The following HLTF variants were observed in gnomAD, a reference collection of about 807,000 sequenced individuals.
HLTF encodes the protein DNA-dependent ATPase/E3 ubiquitin-protein ligase HLTF.
HLTF carries 127 observed loss-of-function variants against 129.4 expected under a neutral mutation model. That is an observed-to-expected ratio of 0.98 (90% CI 0.85 to 1.14). The LOEUF (loss-of-function observed/expected upper bound fraction) is 1.14. Among genes scored for constraint, HLTF ranks in the 50% most tolerant of loss-of-function variants. The pLI is 0.00. For synonymous variants in HLTF, 332 were observed against 388.8 expected (o/e 0.85, Z 1.72); for missense variants, 1,139 against 1,187.1 (o/e 0.96, Z 0.60).
intron 23 of HLTF, among the ~76,000 whole-genome samples, chr3:149,036,450 C>T (rs1002166644): frequency 2.0e-5 from 3 of 151,536 alleles, no homozygotes; most frequent in Admixed American, 6.6e-5. Context: ...CACCATGCCC[C>T]GCTAATTTTT....
chr3:149,052,700 G>A (rs1717095250), intron 14 of HLTF, among the ~76,000 whole-genome samples: 1 of 152,102 alleles, frequency 6.6e-6, no homozygotes, highest in Admixed American at 6.6e-5. Flanking sequence ...ACATGAAAAA[G>A]TAAAGCTGAA....
chr3:149,045,234 C>T (rs567767139), intron 18 of HLTF, among the ~76,000 whole-genome samples: 12 of 152,212 alleles, frequency 7.9e-5, no homozygotes, highest in Non-Finnish European at 2.9e-5. Flanking sequence ...CTGAAACACC[C>T]CTTAATCCCA....
At chr3:149,056,699 G>A (rs1281569645) in intron 13 of HLTF, among the ~76,000 whole-genome samples, 2 of 152,098 alleles carry the variant, frequency 1.3e-5, no homozygotes, top group South Asian at 2.1e-4. Context: ...TAAGAGATTC[G>A]TAACAACAAA....
Position 149,086,347 on chromosome 3 carries a change from G to T in HLTF, c.-11C>A. On this transcript the variant is annotated 5_prime_UTR_variant, in exon 1 of 25. Transcript: ENST00000310053. ...GAACATCCAGGACATGGCGCTGAGT[G>T]GGATGACAAGAGGAGCGCCTCGGCT... 6.3e-7 allele frequency: 1 copy of T among 1,590,756 alleles called. No individual in the cohort carries two copies. The highest frequency in any genetic ancestry group is 2.3e-5 in the East Asian group (1 of 43,764).
chr3:149,074,529 A>G (rs1719169812), intron 3 of HLTF, among the ~76,000 whole-genome samples, 181 bp from the exon 4 acceptor site: 1 of 152,208 alleles, frequency 6.6e-6, no homozygotes, highest in Admixed American at 6.5e-5. Flanking sequence ...AACAATCAGA[A>G]GGGTGATTTT....
intron 8 of HLTF, among the ~76,000 whole-genome samples, chr3:149,067,595 T>A (rs1157909395): frequency 6.6e-6 from 1 of 152,012 alleles, no homozygotes; most frequent in Non-Finnish European, 1.5e-5. Flanking sequence ...CTCAAACTCC[T>A]GGGCTCCAGC....
chr3:149,044,464 C>T (rs761660272), intron 18 of HLTF, among the ~76,000 whole-genome samples: 8 of 152,108 alleles, frequency 5.3e-5, no homozygotes, highest in Non-Finnish European at 1.0e-4. Flanking sequence ...AAGCTTCCTT[C>T]CTCCTATTTC....
intron 7 of HLTF, among the ~76,000 whole-genome samples, chr3:149,070,114 T>C (rs775417390): frequency 2.0e-5 from 3 of 152,252 alleles, no homozygotes; most frequent in African/African-American, 7.2e-5. Flanking sequence ...AGCTCACTGA[T>C]ATGATTTAGC....
chr3:149,077,950 GAATT>G (rs1719526250), intron 2 of HLTF, among the ~76,000 whole-genome samples: 2 of 152,008 alleles, frequency 1.3e-5, no homozygotes, highest in South Asian at 2.1e-4. Flanking sequence ...AGACATCACA[GAATT>G]AATTCAGGAA....
intron 2 of HLTF, among the ~76,000 whole-genome samples, chr3:149,077,794 G>A (rs1229786236): frequency 2.0e-5 from 3 of 152,040 alleles, no homozygotes; most frequent in Non-Finnish European, 4.4e-5. Flanking sequence ...AAGCAGAGTT[G>A]TCAGGGGCCT....
At position 149,073,318 on chromosome 3, in the gene HLTF, T is replaced by G; in HGVS notation, c.534A>C (p.Leu178Phe). 4 of 1,601,306 alleles carry G rather than the reference T, an allele frequency of 2.5e-6. No individual in the cohort carries two copies. The highest frequency in any genetic ancestry group is 3.4e-6 in the Non-Finnish European group (4 of 1,170,246). Residue 178 changes from leucine to phenylalanine, a missense_variant, in exon 5 of 25, where the codon TTA (leucine) becomes TTC (phenylalanine). Physicochemically the swap from Leu to Phe is conservative, Grantham distance 22. Coordinates refer to ENST00000310053, the MANE Select transcript of HLTF (RefSeq NM_003071.4). ...GFKLGPAPKTLGFNLESGWGS... is the reference protein window; with the variant it reads ...GFKLGPAPKTFGFNLESGWGS... ...CCCAACCACTTTCCAAATTGAATCCTAAAGCTATAATTTACAAAATAAAAA... is the reference window on the plus strand; with the variant it reads ...CCCAACCACTTTCCAAATTGAATCCGAAAGCTATAATTTACAAAATAAAAA...
intron 1 of HLTF, 21 bp from the exon 2 acceptor site, chr3:149,084,910 A>G: frequency 6.5e-6 from 10 of 1,535,670 alleles, no homozygotes; most frequent in Non-Finnish European, 9.0e-6. Flanking sequence ...TTAAAGGCAA[A>G]GAAAAACAAT....
At chr3:149,058,786 T>A (rs1231629884) in intron 13 of HLTF, among the ~76,000 whole-genome samples, 2 of 152,338 alleles carry the variant, frequency 1.3e-5, no homozygotes, top group South Asian at 2.1e-4. Flanking sequence ...CTTAGTTTGG[T>A]TAAAACCAAA....
At chr3:149,038,209 T>C (rs1715816160) in intron 23 of HLTF, among the ~76,000 whole-genome samples, 2 of 152,200 alleles carry the variant, frequency 1.3e-5, no homozygotes, top group Non-Finnish European at 2.9e-5. Flanking sequence ...TTAAGACTAC[T>C]AGAACCGTGA....
chr3:149,058,206 G>A (rs1717635646), intron 13 of HLTF, among the ~76,000 whole-genome samples: 1 of 152,026 alleles, frequency 6.6e-6, no homozygotes, highest in Admixed American at 6.5e-5. Context: ...CAAGTAGCTG[G>A]GACTACAGGC....
chr3:149,051,813 T>C (rs1318409285), intron 14 of HLTF, among the ~76,000 whole-genome samples: 1 of 152,120 alleles, frequency 6.6e-6, no homozygotes, highest in South Asian at 2.1e-4. Flanking sequence ...GAGGTTGCAG[T>C]GAGCTGAGAC....
At chr3:149,057,990 T>G (rs1180137958) in intron 13 of HLTF, among the ~76,000 whole-genome samples, 1 of 152,184 alleles carries the variant, frequency 6.6e-6, no homozygotes, top group Non-Finnish European at 1.5e-5. Context: ...TAATTGGCGC[T>G]CCCATCAACA....
intron 9 of HLTF, among the ~76,000 whole-genome samples, chr3:149,064,521 C>G (rs992134539): frequency 6.6e-6 from 1 of 151,980 alleles, no homozygotes; most frequent in Non-Finnish European, 1.5e-5. Flanking sequence ...TTTAAAGTAC[C>G]CTTTCATGAG....
rs185906151 is a variant in HLTF at position 149,050,847 on chromosome 3, T to C, written c.1474-472A>G. ...TGCCAGGTATCAACCACAATAGTGA[T>C]GTAACTAAAAATGAAGAACAAATAA... On this transcript the variant is annotated intron_variant, in intron 14 of 24. Transcript: ENST00000310053. 3.2e-4 allele frequency among the ~76,000 whole-genome samples: 48 copies of C among 152,332 alleles called. No homozygotes were observed. In the East Asian group the frequency reaches 7.9e-3, roughly 25 times the overall value.
Sources: gnomAD v4.1 joint callset for allele counts (sites outside exome capture counted in the v4.1 genomes callset) on GRCh38, gnomAD v4.1.1 for gene constraint, MANE v1.5 for transcripts, NCBI Gene and HGNC (gene_info 2026-07-23, HGNC 2026-07-21) for gene names.